Variants in DACH2 observed in about 807,000 individuals in gnomAD.
DACH2 encodes dachshund family transcription factor 2.
In DACH2, 17 loss-of-function variants were observed where a neutral mutation model predicts 35.8. The observed-to-expected ratio is 0.48, with a 90% CI of 0.33 to 0.71. DACH2 has a LOEUF of 0.71. DACH2 is among the 30% of genes least tolerant of loss of function. The pLI is 0.02. For missense variants in DACH2, 469 were observed against 472.7 expected (o/e 0.99, Z 0.07); for synonymous variants, 195 against 177.3 (o/e 1.10, Z -0.79).
chrX:86,294,181 C>A (rs1432315858), intron 1 of DACH2, among the ~76,000 whole-genome samples: 1 of 111,636 alleles, frequency 9.0e-6, no homozygotes, highest in Non-Finnish European at 1.9e-5. Context: ...ATTTCATCTT[C>A]CATCACTGAT....
chrX:86,638,827 C>T (rs1255738106), intron 3 of DACH2, among the ~76,000 whole-genome samples: 4 of 111,536 alleles, frequency 3.6e-5, no homozygotes, highest in Middle Eastern at 4.2e-3. Context: ...TAAATTAGTA[C>T]GATCTATATG....
At chrX:86,800,550 T>C (rs1196814843) in intron 7 of DACH2, among the ~76,000 whole-genome samples, 5 of 112,155 alleles carry the variant, frequency 4.5e-5, no homozygotes. Context: ...CATCTAAAAC[T>C]AGGATTGTGC....
At chrX:86,260,144 T>C (rs1420684210) in intron 1 of DACH2, among the ~76,000 whole-genome samples, 2 of 111,023 alleles carry the variant, frequency 1.8e-5, no homozygotes, top group African/African-American at 3.3e-5. Context: ...AATTAACTTA[T>C]GGATTTAATC....
At chrX:86,391,801 G>T (rs763084046) in intron 2 of DACH2, among the ~76,000 whole-genome samples, 16 of 111,054 alleles carry the variant, frequency 1.4e-4, no homozygotes, top group Non-Finnish European at 2.3e-4. Flanking sequence ...CTAGTTAACA[G>T]TTAAGAAAAT....
intron 3 of DACH2, among the ~76,000 whole-genome samples, chrX:86,553,663 G>T (rs767533660): frequency 8.2e-4 from 92 of 111,589 alleles, no homozygotes; most frequent in African/African-American, 2.9e-3. Context: ...ACATTTTGTA[G>T]GTAGGTAGGA....
intron 3 of DACH2, among the ~76,000 whole-genome samples, chrX:86,516,477 T>G (rs1044168977): frequency 6.3e-5 from 7 of 111,806 alleles, no homozygotes; most frequent in African/African-American, 2.3e-4. Flanking sequence ...ATACTTCATT[T>G]AATCTTCATA....
rs776710331 is a variant in DACH2, at chrX:86,423,592, T to C, written c.527+46730T>C. On this transcript the variant is annotated intron_variant, in intron 2 of 11. Coordinates refer to ENST00000373125, the MANE Select transcript of DACH2 (RefSeq NM_053281.3). Reference sequence around the variant, plus strand: ...CCTTTTCAGATGGGTAGTTTGCAGATATTTTCTCCCATTCTGTGAGTTGTG... The same window carrying C: ...CCTTTTCAGATGGGTAGTTTGCAGACATTTTCTCCCATTCTGTGAGTTGTG... Among the ~76,000 whole-genome samples the C allele has an allele frequency of 2.7e-5, 3 of 109,878 alleles. No individual in the cohort carries two copies. In the East Asian group the frequency reaches 8.7e-4, roughly 32 times the overall value.
intron 1 of DACH2, among the ~76,000 whole-genome samples, chrX:86,196,944 G>A (rs1454759924): frequency 1.8e-5 from 2 of 109,728 alleles, no homozygotes; most frequent in African/African-American, 3.3e-5. Flanking sequence ...AGACCATCCC[G>A]AAGACACATA....
intron 4 of DACH2, among the ~76,000 whole-genome samples, chrX:86,652,022 A>G (rs1344244907): frequency 2.7e-5 from 3 of 111,583 alleles, no homozygotes; most frequent in African/African-American, 9.8e-5. Context: ...TGGTGTACAT[A>G]CTGATTATTT....
chrX:86,755,919 G>T (rs2041824508), intron 7 of DACH2, among the ~76,000 whole-genome samples: 1 of 110,527 alleles, frequency 9.0e-6, no homozygotes. Flanking sequence ...TTTATATGGT[G>T]AGAGATTTGG....
chrX:86,192,826 C>T (rs1018597222), intron 1 of DACH2, among the ~76,000 whole-genome samples: 1 of 112,063 alleles, frequency 8.9e-6, no homozygotes, highest in Non-Finnish European at 1.9e-5. Context: ...ACTTGTGACA[C>T]AAAATCTTAA....
intron 4 of DACH2, among the ~76,000 whole-genome samples, chrX:86,657,973 A>G (rs1214894729): frequency 9.0e-6 from 1 of 111,637 alleles, no homozygotes; most frequent in African/African-American, 3.2e-5. Context: ...GATTCTTGCC[A>G]TTTAATTGTG....
chrX:86,408,050 A>G (rs772312365), intron 2 of DACH2, among the ~76,000 whole-genome samples: 180 of 110,962 alleles, frequency 1.6e-3, no homozygotes, highest in African/African-American at 5.6e-3. Flanking sequence ...CCCTTTCACC[A>G]CGCTGCTTGG....
At chrX:86,793,394 T>C (rs968536599) in intron 7 of DACH2, among the ~76,000 whole-genome samples, 2 of 111,260 alleles carry the variant, frequency 1.8e-5, no homozygotes, top group Non-Finnish European at 3.8e-5. Context: ...TACTAGTTAA[T>C]AAAATTGATT....
chrX:86,232,069 G>A (rs1329056989), intron 1 of DACH2, among the ~76,000 whole-genome samples: 1 of 111,804 alleles, frequency 8.9e-6, no homozygotes, highest in African/African-American at 3.3e-5. Flanking sequence ...GATTCTTGAG[G>A]GTAGGCCTAG....
intron 1 of DACH2, among the ~76,000 whole-genome samples, chrX:86,219,599 C>T (rs1451386336): frequency 9.0e-6 from 1 of 111,306 alleles, no homozygotes; most frequent in African/African-American, 3.3e-5. Flanking sequence ...TTATATATAA[C>T]GTAATAAATC....
chrX:86,413,009 G>A (rs1244651677), intron 2 of DACH2, among the ~76,000 whole-genome samples: 1 of 111,545 alleles, frequency 9.0e-6, no homozygotes, highest in African/African-American at 3.3e-5. Context: ...TTGTAGGAGA[G>A]GCCAAATGCA....
At chrX:86,339,108 C>T (rs183426024) in intron 1 of DACH2, among the ~76,000 whole-genome samples, 58 of 111,663 alleles carry the variant, frequency 5.2e-4, no homozygotes, top group African/African-American at 1.5e-3. Context: ...CAGGACCAGA[C>T]GGATTCACAG....
At chrX:86,645,819 A>G (rs2040408656) in intron 3 of DACH2, among the ~76,000 whole-genome samples, 1 of 111,364 alleles carries the variant, frequency 9.0e-6, no homozygotes, top group African/African-American at 3.3e-5. Flanking sequence ...CAAATACTGC[A>G]TGTTTTCACT....
Sources: gnomAD v4.1 joint callset for allele counts (sites outside exome capture counted in the v4.1 genomes callset) on GRCh38, gnomAD v4.1.1 for gene constraint, MANE v1.5 for transcripts, NCBI Gene and HGNC (gene_info 2026-07-23, HGNC 2026-07-21) for gene names.